The following MCCC2 variants were observed in gnomAD, a reference collection of about 807,000 sequenced individuals.
MCCC2 encodes methylcrotonyl-CoA carboxylase subunit 2, also known as methylcrotonoyl-CoA carboxylase beta chain, mitochondrial.
In MCCC2, 52 loss-of-function variants were observed where a neutral mutation model predicts 77.2. The observed-to-expected ratio is 0.67, with a 90% CI of 0.54 to 0.85. The LOEUF (loss-of-function observed/expected upper bound fraction) is 0.85. MCCC2 is among the 40% of genes least tolerant of loss of function. MCCC2 has a pLI of 0.00. For synonymous variants in MCCC2, 253 were observed against 248.4 expected, an observed-to-expected ratio of 1.02 and a Z score of -0.18; for missense variants, 682 against 703.2, an observed-to-expected ratio of 0.97 and a Z score of 0.34.
chr5:71,636,390 G>A, intron 10 of MCCC2: 1 of 162,072 alleles, frequency 6.2e-6, no homozygotes, highest in Non-Finnish European at 1.3e-5. Context: ...AGGAAAAAAT[G>A]GTACTTAAAC....
chr5:71,590,703 G>C (rs1744938976), intron 1 of MCCC2, among the ~76,000 whole-genome samples: 1 of 152,110 alleles, frequency 6.6e-6, no homozygotes, highest in Non-Finnish European at 1.5e-5. Context: ...TGTAATCCCA[G>C]CTACTTGGGA....
intron 13 of MCCC2, among the ~76,000 whole-genome samples, chr5:71,648,793 G>T (rs1381660871): frequency 2.0e-5 from 3 of 152,132 alleles, no homozygotes; most frequent in African/African-American, 7.2e-5. Context: ...GGTATTATGG[G>T]GGTGAGTCAC....
intron 6 of MCCC2, among the ~76,000 whole-genome samples, chr5:71,613,026 A>C (rs536969808): frequency 1.3e-5 from 2 of 151,742 alleles, no homozygotes; most frequent in South Asian, 2.1e-4. Flanking sequence ...GCTTATGGCT[A>C]CCTCCCTCCC....
chr5:71,610,723 A>G (rs944423253), intron 6 of MCCC2, among the ~76,000 whole-genome samples: 4 of 152,212 alleles, frequency 2.6e-5, no homozygotes, highest in Admixed American at 2.6e-4. Flanking sequence ...GCGGTGGCTC[A>G]CGCCTGGAAT....
chr5:71,604,648 G>A (rs947438140), intron 6 of MCCC2, among the ~76,000 whole-genome samples, 180 bp downstream of exon 6: 4 of 150,326 alleles, frequency 2.7e-5, no homozygotes, highest in Non-Finnish European at 4.4e-5. Flanking sequence ...AGTTACATAC[G>A]TACACATGTG....
At chr5:71,653,725 C>G (rs891196618) in intron 16 of MCCC2, among the ~76,000 whole-genome samples, 1 of 151,840 alleles carries the variant, frequency 6.6e-6, no homozygotes, top group Non-Finnish European at 1.5e-5. Flanking sequence ...ATGGTGTGCA[C>G]CTGTAGTCCC....
chr5:71,594,897 TC>T (rs66464352), intron 2 of MCCC2, among the ~76,000 whole-genome samples: 107,063 of 146,166 alleles, frequency 0.73, 39,642 homozygotes, highest in East Asian at 0.86. Flanking sequence ...TAAGTCTCTC[TC>T]TTTTTTTTTT....
intron 1 of MCCC2, among the ~76,000 whole-genome samples, chr5:71,590,383 A>G (rs1434125476): frequency 6.6e-6 from 1 of 152,158 alleles, no homozygotes; most frequent in Non-Finnish European, 1.5e-5. Context: ...GTAGAGGCAA[A>G]TGTCAGCTTC....
intron 6 of MCCC2, among the ~76,000 whole-genome samples, chr5:71,605,892 C>T (rs976644913): frequency 1.7e-4 from 26 of 151,864 alleles, no homozygotes; most frequent in Non-Finnish European, 2.5e-4. Context: ...TGTAGGTATG[C>T]GGCGTTATTT....
At chr5:71,635,110 T>G in intron 9 of MCCC2, 41 bp from the exon 10 acceptor site, 1 of 1,613,396 alleles carries the variant, frequency 6.2e-7, no homozygotes, top group Non-Finnish European at 8.5e-7. Flanking sequence ...CACCTTGAAA[T>G]CATGTCTTTA....
At chr5:71,605,226 T>C (rs919564140) in intron 6 of MCCC2, among the ~76,000 whole-genome samples, 16 of 150,086 alleles carry the variant, frequency 1.1e-4, no homozygotes, top group African/African-American at 3.7e-4. Context: ...TATTTCTCCA[T>C]ATCCTCTCCA....
At position 71,587,361 on chromosome 5, in the gene MCCC2, A is replaced by G. The variant is rs1417888755; in HGVS notation, c.-65A>G. The G allele has an allele frequency of 2.4e-5, 36 of 1,515,918 alleles. No individual in the cohort carries two copies. Among genetic ancestry groups the G allele is most frequent in the Non-Finnish European group, 3.2e-5 (36 of 1,137,770 alleles). 93.9% of individuals were successfully genotyped at this position (1,515,918 alleles called of 1,614,324 possible). Reference sequence around the variant, plus strand: ...GCTCAGCTTCCGCCCCAGCCAGGGAAGCGGCAGGGGAAAGCACCGGCTCCA... The same window carrying G: ...GCTCAGCTTCCGCCCCAGCCAGGGAGGCGGCAGGGGAAAGCACCGGCTCCA... On this transcript the variant is annotated 5_prime_UTR_variant, in exon 1 of 17. Transcript: ENST00000340941.
At chr5:71,593,105 TGAGATGGAGTC>T in intron 2 of MCCC2, 113 bp downstream of exon 2, 1 of 853,768 alleles carries the variant, frequency 1.2e-6, no homozygotes. Flanking sequence ...TTTTTTTTTT[TGAGATGGAGTC>T]TTGCTCTCTT....
intron 6 of MCCC2, 109 bp from the exon 7 acceptor site, chr5:71,626,531 C>T (rs1423583317): frequency 4.9e-6 from 4 of 818,122 alleles, no homozygotes; most frequent in African/African-American, 3.4e-5. Flanking sequence ...CAGGGACCAA[C>T]CAGTAATATC....
At chr5:71,623,513 G>C (rs895328576) in intron 6 of MCCC2, among the ~76,000 whole-genome samples, 1 of 152,190 alleles carries the variant, frequency 6.6e-6, no homozygotes, top group African/African-American at 2.4e-5. Flanking sequence ...AAGTGAGAGA[G>C]TGAGAAGACA....
Position 71,604,363 on chromosome 5 carries a change from G to A in MCCC2, c.519G>A (p.Ser173=), listed in dbSNP as rs757075066. The change falls in exon 6 of 17, where the codon TCG becomes TCA. Residue 173 remains serine, a synonymous_variant. Coordinates refer to ENST00000340941, the MANE Select transcript of MCCC2 (RefSeq NM_022132.5). Reference sequence around the variant, plus strand: ...CTCATTTCTTGTCTTCAGTTGATTCGGGAGGAGCATACTTACCTCGACAAG... The same window carrying A: ...CTCATTTCTTGTCTTCAGTTGATTCAGGAGGAGCATACTTACCTCGACAAG... ...NRLPCIYLVD[S]GGAYLPRQAD... 4.3e-6 allele frequency: 7 copies of A among 1,613,652 alleles called. No individual in the cohort carries two copies. The highest frequency in any genetic ancestry group is 2.7e-5 in the African/African-American group (2 of 74,874).
chr5:71,607,431 A>G (rs1398947252), intron 6 of MCCC2, among the ~76,000 whole-genome samples: 1 of 147,144 alleles, frequency 6.8e-6, no homozygotes, highest in Non-Finnish European at 1.5e-5. Context: ...TATCCCCTTT[A>G]TCATTTTTTA....
chr5:71,635,978 A>T (rs760795748), intron 10 of MCCC2: 2 of 170,432 alleles, frequency 1.2e-5, no homozygotes, highest in Non-Finnish European at 2.5e-5. Flanking sequence ...GAAGGTGGCT[A>T]ATATTTGGAT....
Position 71,602,510 on chromosome 5 carries a change from G to A in MCCC2, c.388G>A (p.Glu130Lys), listed in dbSNP as rs370714351. Reference sequence around the variant, plus strand: ...AATGAAATTTCTGCCTTTCAGAGTAGAATGCATGATTATTGCCAATGATGC... The same window carrying A: ...AATGAAATTTCTGCCTTTCAGAGTAAAATGCATGATTATTGCCAATGATGC... ...ITGIGRVSGVECMIIANDATV... is the reference protein window; with the variant it reads ...ITGIGRVSGVKCMIIANDATV... Residue 130 changes from glutamate to lysine, a missense_variant, in exon 5 of 17, where the codon GAA (glutamate) becomes AAA (lysine). Coordinates refer to ENST00000340941, the MANE Select transcript of MCCC2 (RefSeq NM_022132.5). The A allele has an allele frequency of 6.8e-6, 11 of 1,614,006 alleles. No homozygotes were observed. Among genetic ancestry groups the A allele is most frequent in the Non-Finnish European group, 8.5e-6 (10 of 1,180,038 alleles).
Sources: allele counts gnomAD v4.1 joint callset (sites outside exome capture counted in the v4.1 genomes callset), GRCh38; gene constraint gnomAD v4.1.1; transcripts MANE v1.5; gene names NCBI Gene and HGNC (gene_info 2026-07-23, HGNC 2026-07-21).